Variants in ROCK1 observed in about 807,000 individuals in gnomAD.
The protein encoded by ROCK1 is rho-associated protein kinase 1.
In ROCK1, 36 loss-of-function variants were observed where a neutral mutation model predicts 196.8. The ratio of observed to expected loss-of-function variants is 0.18; its 90% CI spans 0.14 to 0.24. The LOEUF (loss-of-function observed/expected upper bound fraction) is 0.24, where lower values mean the gene tolerates loss of function less well. ROCK1 is among the 10% of genes least tolerant of loss of function. The pLI is 1.00. For synonymous variants in ROCK1, 443 were observed against 515.9 expected (o/e 0.86, Z 1.91); for missense variants, 920 against 1,562.0 (o/e 0.59, Z 6.93).
At chr18:21,097,219 T>C (rs1297376336) in intron 1 of ROCK1, among the ~76,000 whole-genome samples, 1 of 152,172 alleles carries the variant, frequency 6.6e-6, no homozygotes, top group Non-Finnish European at 1.5e-5. Flanking sequence ...AGATGTAGTA[T>C]AGATTATATT....
chr18:21,109,826 ATT>A (rs925926951), intron 1 of ROCK1, among the ~76,000 whole-genome samples: 6 of 152,292 alleles, frequency 3.9e-5, no homozygotes, highest in African/African-American at 1.4e-4. Context: ...GAATGGTATT[ATT>A]TTGTTTCCTT....
chr18:21,095,095 T>C (rs1348854330), intron 1 of ROCK1, among the ~76,000 whole-genome samples: 2 of 142,938 alleles, frequency 1.4e-5, no homozygotes, highest in African/African-American at 5.2e-5. Flanking sequence ...CAAACAAGTA[T>C]ATGAAAAGGT....
chr18:21,008,174 T>G lies in ROCK1; in HGVS notation c.1431A>C (p.Leu477=). 6.3e-7 allele frequency: 1 copy of G among 1,583,174 alleles called. No individual in the cohort carries two copies. The highest frequency in any genetic ancestry group is 8.6e-7 in the Non-Finnish European group (1 of 1,164,286). The change falls in exon 14 of 33, where the codon CTA becomes CTC. Residue 477 remains leucine, a synonymous_variant. Coordinates refer to ENST00000399799, the MANE Select transcript of ROCK1 (RefSeq NM_005406.3). ...LDEEGNQRRN[L]ESTVSQIEKE... is the part of the protein sequence containing the mutation. ...TCTCAATCTGAGACACTGTAGATTC[T>G]AGATTTCTTCTTTGATTTCCCTGGA... is the stretch of plus-strand genomic sequence containing the variant.
At chr18:20,968,891 A>T in intron 24 of ROCK1, 31 bp from the exon 25 acceptor site, 1 of 1,344,184 alleles carries the variant, frequency 7.4e-7, no homozygotes, top group Non-Finnish European at 1.1e-6. Flanking sequence ...ATGTTATTGT[A>T]TGGTATTAAT....
At chr18:21,053,043 A>G (rs1015128488) in intron 2 of ROCK1, among the ~76,000 whole-genome samples, 6 of 152,304 alleles carry the variant, frequency 3.9e-5, no homozygotes, top group Admixed American at 1.3e-4. Context: ...CCTCAAATAA[A>G]CAAGAGTCAA....
At chr18:20,982,013 A>G (rs2035537642) in intron 21 of ROCK1, among the ~76,000 whole-genome samples, 1 of 152,242 alleles carries the variant, frequency 6.6e-6, no homozygotes, top group Non-Finnish European at 1.5e-5. Context: ...GGAATAAATC[A>G]GAACTGAGAT....
chr18:21,002,862 T>A (rs2035737792), intron 16 of ROCK1, among the ~76,000 whole-genome samples: 1 of 152,086 alleles, frequency 6.6e-6, no homozygotes, highest in African/African-American at 2.4e-5. Flanking sequence ...CACCTGAGCC[T>A]CCTAAGTAGC....
At chr18:21,001,160 GA>G (rs1224284850) in intron 16 of ROCK1, among the ~76,000 whole-genome samples, 1 of 152,122 alleles carries the variant, frequency 6.6e-6, no homozygotes, top group African/African-American at 2.4e-5. Context: ...TATGCTAAGT[GA>G]AAAAAGCCTG....
intron 16 of ROCK1, among the ~76,000 whole-genome samples, chr18:21,005,221 T>C (rs2035758685): frequency 6.6e-6 from 1 of 152,238 alleles, no homozygotes; most frequent in Non-Finnish European, 1.5e-5. Context: ...AAACTGTTCA[T>C]TTATTCACTT....
At chr18:21,035,274 G>C (rs1421790973) in intron 9 of ROCK1, among the ~76,000 whole-genome samples, 1 of 152,238 alleles carries the variant, frequency 6.6e-6, no homozygotes, top group East Asian at 1.9e-4. Context: ...TGAGCGTGGT[G>C]GCTCACGTCT....
intron 16 of ROCK1, among the ~76,000 whole-genome samples, chr18:20,997,248 G>A (rs2035679646): frequency 6.6e-6 from 1 of 151,824 alleles, no homozygotes; most frequent in Non-Finnish European, 1.5e-5. Context: ...ATGTATAAAG[G>A]TACACATAGA....
At chr18:20,967,446 G>T (rs1213316841) in intron 26 of ROCK1, among the ~76,000 whole-genome samples, 1 of 152,044 alleles carries the variant, frequency 6.6e-6, no homozygotes, top group African/African-American at 2.4e-5. Context: ...CTAAGTGCCC[G>T]AGACCAGGTT....
At chr18:20,963,647 CCT>C (rs1161911997) in intron 27 of ROCK1, among the ~76,000 whole-genome samples, 1 of 152,028 alleles carries the variant, frequency 6.6e-6, no homozygotes, top group Non-Finnish European at 1.5e-5. Context: ...ACCAAGTTTT[CCT>C]AATCCATCAT....
In ROCK1 at chr18:21,110,981, G is replaced by A. The variant is rs903799344; in HGVS notation, c.-71C>T. 5.0e-5 allele frequency: 67 copies of A among 1,334,094 alleles called. No individual in the cohort carries two copies. Among genetic ancestry groups the A allele is most frequent in the Non-Finnish European group, 7.1e-5 (66 of 930,776 alleles). The allele number at this position is 1,334,094 out of a possible 1,614,324, so 82.6% of individuals were successfully genotyped here. A position where few individuals can be genotyped will look rare whatever the true frequency, so the allele number is the denominator to read the frequency against. ...AAAGCAATTTCAACCAACTTCCTCC[G>A]CGGTGGGTTCGCAGCCGCGGGGCGG... is the stretch of plus-strand genomic sequence containing the variant. On this transcript the variant is annotated 5_prime_UTR_variant, in exon 1 of 33. Transcript: ENST00000399799.
At chr18:20,952,660 C>T (rs1340832518) in intron 32 of ROCK1, among the ~76,000 whole-genome samples, 5 of 150,282 alleles carry the variant, frequency 3.3e-5, no homozygotes, top group Non-Finnish European at 5.9e-5. Context: ...CTGTAATCCC[C>T]GCTACTTGGG....
intron 16 of ROCK1, among the ~76,000 whole-genome samples, chr18:20,994,961 A>G (rs1404011324): frequency 6.6e-6 from 1 of 152,212 alleles, no homozygotes; most frequent in Non-Finnish European, 1.5e-5. Flanking sequence ...TTCATAATCT[A>G]GTCAAAGACT....
chr18:21,104,380 G>T (rs1345442571), intron 1 of ROCK1, among the ~76,000 whole-genome samples: 2 of 152,074 alleles, frequency 1.3e-5, no homozygotes, highest in Non-Finnish European at 2.9e-5. Flanking sequence ...GGCGGATCAC[G>T]AGGCCAGGAG....
chr18:21,042,981 TAC>T (rs1380996663), intron 6 of ROCK1, among the ~76,000 whole-genome samples: 1 of 152,120 alleles, frequency 6.6e-6, no homozygotes, highest in Non-Finnish European at 1.5e-5. Context: ...TTCACATATA[TAC>T]ACACACCAGT....
At chr18:21,106,310 TC>T (rs1368396430) in intron 1 of ROCK1, among the ~76,000 whole-genome samples, 1 of 152,198 alleles carries the variant, frequency 6.6e-6, no homozygotes, top group Non-Finnish European at 1.5e-5. Context: ...TTTTTGTTTT[TC>T]CTTTTTTTTG....
Sources: gnomAD v4.1 joint callset for allele counts (sites outside exome capture counted in the v4.1 genomes callset) on GRCh38, gnomAD v4.1.1 for gene constraint, MANE v1.5 for transcripts, NCBI Gene and HGNC (gene_info 2026-07-23, HGNC 2026-07-21) for gene names.